SFT2D1: variants seen among roughly 807,000 people sequenced by gnomAD.
SFT2D1 encodes the protein vesicle transport protein SFT2A.
A neutral mutation model predicts 28.1 loss-of-function variants in SFT2D1; 24 were observed. That is an observed-to-expected ratio of 0.85 (90% confidence interval 0.62 to 1.20). The LOEUF (loss-of-function observed/expected upper bound fraction) is 1.20, where lower values mean the gene tolerates loss of function less well. Ranked by LOEUF, SFT2D1 falls within the 50% of genes most tolerant of loss-of-function variation. SFT2D1 has a pLI of 0.00. For synonymous variants in SFT2D1, 82 were observed against 73.7 expected (o/e 1.11, Z -0.58); for missense variants, 181 against 190.9 (o/e 0.95, Z 0.31).
At chr6:166,339,802 T>C (rs1778739850) in intron 1 of SFT2D1, among the ~76,000 whole-genome samples, 2 of 152,166 alleles carry the variant, frequency 1.3e-5, no homozygotes, top group Non-Finnish European at 2.9e-5. Flanking sequence ...GCTCATCCTC[T>C]AAACTTCTAC....
chr6:166,330,100 A>G, intron 2 of SFT2D1, 61 bp downstream of exon 2: 1 of 1,310,308 alleles, frequency 7.6e-7, no homozygotes. Flanking sequence ...TTTGGTACTA[A>G]ATGGAATTAT....
At chr6:166,325,286 A>C (rs1038326647) in intron 5 of SFT2D1, among the ~76,000 whole-genome samples, 3 of 152,310 alleles carry the variant, frequency 2.0e-5, no homozygotes, top group Non-Finnish European at 2.9e-5. Flanking sequence ...TAAAAAAAAA[A>C]CTGGAATATT....
intron 6 of SFT2D1, 163 bp from the exon 7 acceptor site, chr6:166,323,049 GT>G: frequency 3.7e-6 from 2 of 542,172 alleles, no homozygotes; most frequent in East Asian, 3.1e-5. Context: ...CTGGGAACTT[GT>G]TAAAAATGTA....
intron 1 of SFT2D1, among the ~76,000 whole-genome samples, chr6:166,341,490 T>C (rs957019170): frequency 6.6e-6 from 1 of 150,512 alleles, no homozygotes; most frequent in Non-Finnish European, 1.5e-5. Context: ...CATGTGGCTG[T>C]GGTAATATAC....
chr6:166,335,485 T>C, intron 1 of SFT2D1: 1 of 519,188 alleles, frequency 1.9e-6, no homozygotes, highest in Non-Finnish European at 3.8e-6. Context: ...TTTACTTTAC[T>C]TTACAAAACC....
rs1778324697 is a variant in SFT2D1, at chr6:166,320,245, A to G, written c.452T>C (p.Ile151Thr). The G allele has an allele frequency of 5.0e-6, 8 of 1,611,396 alleles. No individual in the cohort carries two copies. The highest frequency in any genetic ancestry group is 6.8e-6 in the Non-Finnish European group (8 of 1,179,158). ...ACTTAGGAGAGAAGAACAGCATTTA[A>G]TAACTGCATCCCTGGTGGAAAAGAG... ...SYIPYARDAVIKCCSSLLS is the reference protein window; with the variant it reads ...SYIPYARDAVTKCCSSLLS The change falls in exon 8 of 8, where the codon ATT becomes ACT. Residue 151 changes from isoleucine (I) to threonine (T), a missense_variant. Transcript: ENST00000361731.
chr6:166,320,178 A>C lies in SFT2D1; in HGVS notation c.*39T>G. 6.3e-7 allele frequency: 1 copy of C among 1,599,346 alleles called. No homozygotes were observed. The highest frequency in any genetic ancestry group is 8.6e-7 in the Non-Finnish European group (1 of 1,169,172). On this transcript the variant is annotated 3_prime_UTR_variant, in exon 8 of 8. Coordinates refer to ENST00000361731, the MANE Select transcript of SFT2D1 (RefSeq NM_145169.3). Reference sequence around the variant, plus strand: ...AAGCAAACTTCACCAAACATAGAGTACCAACATTCAAGTGCTCTTTTCCAC... The same window carrying C: ...AAGCAAACTTCACCAAACATAGAGTCCCAACATTCAAGTGCTCTTTTCCAC...
At chr6:166,325,836 TACTG>T in intron 5 of SFT2D1, 1 of 455,290 alleles carries the variant, frequency 2.2e-6, no homozygotes, top group Middle Eastern at 6.0e-4. Context: ...CATGTGTGTT[TACTG>T]ACTACCTCTA....
At chr6:166,324,513 T>A (rs774027470) in intron 6 of SFT2D1, 24 bp downstream of exon 6, 2 of 1,603,928 alleles carry the variant, frequency 1.2e-6, no homozygotes, top group African/African-American at 2.7e-5. Flanking sequence ...TTTTAACACT[T>A]CACTAGGGTA....
intron 1 of SFT2D1, among the ~76,000 whole-genome samples, chr6:166,341,746 ACTG>A (rs768953423): frequency 1.3e-5 from 2 of 152,002 alleles, no homozygotes; most frequent in Non-Finnish European, 2.9e-5. Context: ...TTCCTGCTCC[ACTG>A]CTACTTTTAA....
chr6:166,339,171 C>T (rs1375022603), intron 1 of SFT2D1, among the ~76,000 whole-genome samples: 1 of 152,132 alleles, frequency 6.6e-6, no homozygotes, highest in Non-Finnish European at 1.5e-5. Context: ...TCCTCACCCT[C>T]TTCTCTGATG....
At chr6:166,339,263 G>A (rs73030701) in intron 1 of SFT2D1, among the ~76,000 whole-genome samples, 36,741 of 151,800 alleles carry the variant, frequency 0.24, 4,589 homozygotes, top group East Asian at 0.34. Context: ...CACTTGGACA[G>A]GCAGTGAGCT....
intron 3 of SFT2D1, 49 bp from the exon 4 acceptor site, chr6:166,328,406 TGG>T (rs1562443596): frequency 9.1e-7 from 1 of 1,095,002 alleles, no homozygotes; most frequent in Non-Finnish European, 1.3e-6. Context: ...CTAATTTATC[TGG>T]TTATGCAAAA....
intron 1 of SFT2D1, among the ~76,000 whole-genome samples, chr6:166,338,064 C>T (rs1023012337): frequency 2.0e-5 from 3 of 152,218 alleles, no homozygotes; most frequent in Middle Eastern, 6.8e-3. Flanking sequence ...CTCTGACTTC[C>T]GGCCTCAAAA....
intron 1 of SFT2D1, among the ~76,000 whole-genome samples, chr6:166,339,661 G>A (rs1420840531): frequency 1.3e-5 from 2 of 151,896 alleles, no homozygotes; most frequent in African/African-American, 2.4e-5. Flanking sequence ...TAACTTCTGA[G>A]ACCCATCAAC....
chr6:166,330,818 G>A (rs1243420636), intron 1 of SFT2D1, among the ~76,000 whole-genome samples: 1 of 152,214 alleles, frequency 6.6e-6, no homozygotes, highest in Admixed American at 6.5e-5. Flanking sequence ...CCAGGGGTGG[G>A]GTGGGGTGAC....
At chr6:166,323,113 C>A (rs1003247826) in intron 6 of SFT2D1, 5 of 434,574 alleles carry the variant, frequency 1.2e-5, no homozygotes, top group African/African-American at 7.9e-5. Context: ...CTTTAACAAG[C>A]AACCTGCACT....
At chr6:166,336,122 C>A (rs551307742) in intron 1 of SFT2D1, among the ~76,000 whole-genome samples, 2 of 152,252 alleles carry the variant, frequency 1.3e-5, no homozygotes, top group African/African-American at 4.8e-5. Context: ...TAAAGTTAGT[C>A]TCCTCGGAAG....
intron 1 of SFT2D1, among the ~76,000 whole-genome samples, chr6:166,335,902 C>T (rs543236865): frequency 2.0e-5 from 3 of 152,216 alleles, no homozygotes; most frequent in African/African-American, 7.2e-5. Flanking sequence ...TTAGACAATA[C>T]TCACGTGTAT....
Sources: allele counts gnomAD v4.1 joint callset (sites outside exome capture counted in the v4.1 genomes callset), GRCh38; gene constraint gnomAD v4.1.1; transcripts MANE v1.5; gene names NCBI Gene and HGNC (gene_info 2026-07-23, HGNC 2026-07-21).